The following FNDC3A variants were observed in gnomAD, a reference collection of about 807,000 sequenced individuals.
The protein encoded by FNDC3A is fibronectin type III domain containing 3A.
In FNDC3A, 32 loss-of-function variants were observed where a neutral mutation model predicts 148.9. The observed-to-expected ratio is 0.21, with a 90% CI of 0.16 to 0.29. FNDC3A has a LOEUF of 0.29. FNDC3A is among the 10% of genes least tolerant of loss of function. FNDC3A has a pLI of 1.00. For synonymous variants in FNDC3A, 472 were observed against 473.6 expected (o/e 1.00, Z 0.04); for missense variants, 1,191 against 1,452.8 (o/e 0.82, Z 2.93).
At chr13:48,996,779 C>T (rs1472404620) in intron 1 of FNDC3A, among the ~76,000 whole-genome samples, 5 of 151,962 alleles carry the variant, frequency 3.3e-5, no homozygotes, top group Non-Finnish European at 7.4e-5. Context: ...CATTGGATTT[C>T]GGCAGGGCAT....
intron 3 of FNDC3A, among the ~76,000 whole-genome samples, chr13:49,097,217 A>G (rs906317588): frequency 2.0e-5 from 3 of 152,026 alleles, no homozygotes; most frequent in Admixed American, 6.6e-5. Flanking sequence ...AGAAGAAACT[A>G]GGATGATTTA....
In FNDC3A at chr13:49,076,539, C is replaced by A. The variant is rs553440002; in HGVS notation, c.175+1175C>A. Among the ~76,000 whole-genome samples the A allele has an allele frequency of 3.9e-5, 6 of 152,014 alleles. No individual in the cohort carries two copies. In the East Asian group the frequency reaches 1.2e-3, roughly 29 times the overall value. On this transcript the variant is annotated intron_variant, in intron 3 of 25. Coordinates refer to ENST00000492622, the MANE Select transcript of FNDC3A (RefSeq NM_001079673.2). ...GGATTACAGACGTGAGCCTCTGTACCCAGCTCTCGGTGAGTACATTTCTCA... is the reference window on the plus strand; with the variant it reads ...GGATTACAGACGTGAGCCTCTGTACACAGCTCTCGGTGAGTACATTTCTCA...
chr13:49,046,530 A>C (rs867107888), intron 2 of FNDC3A: 10 of 159,594 alleles, frequency 6.3e-5, no homozygotes, highest in Middle Eastern at 1.8e-3. Context: ...TTTCAACTTC[A>C]GTTATCTTCT....
At chr13:49,001,884 T>C (rs1395062676) in intron 1 of FNDC3A, among the ~76,000 whole-genome samples, 1 of 152,144 alleles carries the variant, frequency 6.6e-6, no homozygotes, top group African/African-American at 2.4e-5. Flanking sequence ...CCTTGTGATA[T>C]CTTATTACCT....
At chr13:49,152,910 GT>G in intron 8 of FNDC3A, among the ~76,000 whole-genome samples, 1 of 149,604 alleles carries the variant, frequency 6.7e-6, no homozygotes, top group East Asian at 2.0e-4. Flanking sequence ...TCTTAATCCA[GT>G]CTATCATTGT....
At chr13:49,024,438 A>T (rs1873552040) in intron 2 of FNDC3A, among the ~76,000 whole-genome samples, 1 of 151,968 alleles carries the variant, frequency 6.6e-6, no homozygotes, top group African/African-American at 2.4e-5. Flanking sequence ...AAAGCTAAAG[A>T]CCAATATCCC....
chr13:49,080,382 A>AT (rs869191183), intron 3 of FNDC3A, among the ~76,000 whole-genome samples: 4 of 151,980 alleles, frequency 2.6e-5, no homozygotes, highest in East Asian at 1.9e-4. Context: ...CCCATACCTC[A>AT]TTTTTTCCCC....
chr13:49,160,580 C>G (rs1310536256), intron 8 of FNDC3A, among the ~76,000 whole-genome samples: 2 of 151,904 alleles, frequency 1.3e-5, no homozygotes, highest in Non-Finnish European at 2.9e-5. Flanking sequence ...CTCCTGGATT[C>G]ATTAATTTTT....
intron 2 of FNDC3A, among the ~76,000 whole-genome samples, chr13:49,020,482 A>G (rs1593481067): frequency 6.6e-6 from 1 of 152,252 alleles, no homozygotes; most frequent in Non-Finnish European, 1.5e-5. Flanking sequence ...TCTGTAGTTT[A>G]CCAAAAGGTT....
chr13:48,988,845 A>C (rs886900738), intron 1 of FNDC3A, among the ~76,000 whole-genome samples: 1 of 131,452 alleles, frequency 7.6e-6, no homozygotes, highest in Non-Finnish European at 1.6e-5. Flanking sequence ...AACTTGTCTC[A>C]AAAAAAAAAA....
chr13:49,134,697 G>C (rs1408927896), intron 5 of FNDC3A, among the ~76,000 whole-genome samples: 1 of 150,844 alleles, frequency 6.6e-6, no homozygotes, highest in East Asian at 2.0e-4. Context: ...TAGGCATCCT[G>C]AATAAATTTC....
chr13:48,985,764 T>C (rs1951779195), intron 1 of FNDC3A, among the ~76,000 whole-genome samples: 1 of 152,108 alleles, frequency 6.6e-6, no homozygotes, highest in Non-Finnish European at 1.5e-5. Flanking sequence ...ACTGGAAGGG[T>C]ACACCACAGT....
At chr13:49,182,577 G>A (rs765766061) in intron 14 of FNDC3A, among the ~76,000 whole-genome samples, 16 of 151,204 alleles carry the variant, frequency 1.1e-4, no homozygotes, top group Non-Finnish European at 2.1e-4. Flanking sequence ...CACTTTGGAT[G>A]TAGTAAGGCT....
At chr13:49,091,480 TCA>T (rs957650814) in intron 3 of FNDC3A, among the ~76,000 whole-genome samples, 1 of 152,210 alleles carries the variant, frequency 6.6e-6, no homozygotes, top group Non-Finnish European at 1.5e-5. Context: ...CTGTATGTAA[TCA>T]CACATCTGGC....
At chr13:48,984,610 G>A (rs999203516) in intron 1 of FNDC3A, among the ~76,000 whole-genome samples, 3 of 152,172 alleles carry the variant, frequency 2.0e-5, no homozygotes, top group African/African-American at 4.8e-5. Context: ...TTTAATTGAA[G>A]TAAAGATAGT....
chr13:49,182,429 C>T (rs766939552), intron 14 of FNDC3A, among the ~76,000 whole-genome samples: 9 of 151,988 alleles, frequency 5.9e-5, no homozygotes, highest in South Asian at 2.1e-4. Flanking sequence ...TTTTTTTAAA[C>T]GATCAAAGCC....
chr13:49,192,438 G>T (rs1454959529), intron 19 of FNDC3A, among the ~76,000 whole-genome samples: 1 of 152,024 alleles, frequency 6.6e-6, no homozygotes, highest in Non-Finnish European at 1.5e-5. Context: ...GGGACCACAG[G>T]TGTACATCAC....
intron 8 of FNDC3A, among the ~76,000 whole-genome samples, chr13:49,159,012 A>G (rs191572045): frequency 9.2e-5 from 14 of 152,194 alleles, no homozygotes; most frequent in South Asian, 2.1e-4. Context: ...ATGCTGTTTT[A>G]GTTACTGTAG....
intron 2 of FNDC3A, chr13:49,046,090 C>T (rs7988168): frequency 0.66 from 106,619 of 161,046 alleles, 35,454 homozygotes; most frequent in Admixed American, 0.69. Context: ...CTGTCAGAAA[C>T]TATAAATGTA....
Sources: allele counts gnomAD v4.1 joint callset (sites outside exome capture counted in the v4.1 genomes callset), GRCh38; gene constraint gnomAD v4.1.1; transcripts MANE v1.5; gene names NCBI Gene and HGNC (gene_info 2026-07-23, HGNC 2026-07-21).